Variants in PDE4B observed in about 807,000 individuals in gnomAD.
PDE4B encodes the protein 3',5'-cyclic-AMP phosphodiesterase 4B.
PDE4B carries 20 observed loss-of-function variants against 82.2 expected under a neutral mutation model. The observed-to-expected ratio is 0.24, with a 90% CI of 0.17 to 0.35. PDE4B has a LOEUF of 0.35. PDE4B is among the 10% of genes least tolerant of loss of function. PDE4B has a pLI of 1.00. For synonymous variants in PDE4B, 320 were observed against 318.9 expected (o/e 1.00, Z -0.04); for missense variants, 655 against 907.2 (o/e 0.72, Z 3.57).
chr1:66,250,239 G>A (rs12036049), intron 4 of PDE4B, among the ~76,000 whole-genome samples: 31,455 of 151,992 alleles, frequency 0.21, 6,678 homozygotes, highest in African/African-American at 0.53. Context: ...AAGCAAGAAG[G>A]GTGCTAATAG....
At chr1:65,888,888 C>A (rs1366199671) in intron 1 of PDE4B, among the ~76,000 whole-genome samples, 1 of 151,842 alleles carries the variant, frequency 6.6e-6, no homozygotes, top group Non-Finnish European at 1.5e-5. Context: ...TGAATTACAC[C>A]ATCTGCAAAG....
intron 3 of PDE4B, among the ~76,000 whole-genome samples, chr1:66,196,795 TC>T (rs1372641808): frequency 8.9e-6 from 1 of 112,826 alleles, no homozygotes; most frequent in African/African-American, 3.4e-5. Context: ...AATATCACAC[TC>T]TGGGGACTGT....
chr1:66,169,238 C>T (rs11208807), intron 3 of PDE4B, among the ~76,000 whole-genome samples: 48,883 of 151,972 alleles, frequency 0.32, 8,246 homozygotes, highest in East Asian at 0.58. Context: ...ATCTTTGAAC[C>T]TAATACTGTT....
chr1:66,368,152 A>C, intron 15 of PDE4B, 87 bp downstream of exon 15: 4 of 1,423,870 alleles, frequency 2.8e-6, no homozygotes, highest in Non-Finnish European at 3.9e-6. Flanking sequence ...AGATAAATTC[A>C]GTTATTGGTA....
intron 3 of PDE4B, among the ~76,000 whole-genome samples, chr1:66,015,566 A>G (rs1652724265): frequency 6.6e-6 from 1 of 151,920 alleles, no homozygotes; most frequent in Non-Finnish European, 1.5e-5. Context: ...CCATGAGAAC[A>G]TTTGGAAGAA....
intron 7 of PDE4B, among the ~76,000 whole-genome samples, chr1:66,305,695 T>C (rs991136199): frequency 1.5e-4 from 23 of 152,168 alleles, no homozygotes; most frequent in African/African-American, 5.3e-4. Flanking sequence ...AGATCTTATA[T>C]TGTTTTCTGA....
At chr1:66,234,590 G>A (rs1652254861) in intron 3 of PDE4B, among the ~76,000 whole-genome samples, 1 of 151,948 alleles carries the variant, frequency 6.6e-6, no homozygotes, top group Non-Finnish European at 1.5e-5. Context: ...TGCCCAGCCT[G>A]GTATAATTTT....
At chr1:65,965,542 A>G (rs1319035063) in intron 3 of PDE4B, among the ~76,000 whole-genome samples, 1 of 151,842 alleles carries the variant, frequency 6.6e-6, no homozygotes, top group Non-Finnish European at 1.5e-5. Context: ...CATAAAATGA[A>G]TGCCCTTATT....
chr1:66,322,511 C>G (rs1659473929), intron 7 of PDE4B, among the ~76,000 whole-genome samples: 1 of 152,040 alleles, frequency 6.6e-6, no homozygotes, highest in Admixed American at 6.6e-5. Context: ...AGGATATGAA[C>G]AGACATTTCT....
intron 9 of PDE4B, among the ~76,000 whole-genome samples, chr1:66,359,351 C>T (rs1662568701): frequency 1.3e-5 from 2 of 152,186 alleles, no homozygotes; most frequent in African/African-American, 4.8e-5. Flanking sequence ...TCACTGTATT[C>T]TGACTATTCC....
At chr1:66,258,068 C>T (rs1397452373) in intron 6 of PDE4B, among the ~76,000 whole-genome samples, 2 of 152,136 alleles carry the variant, frequency 1.3e-5, no homozygotes, top group Non-Finnish European at 2.9e-5. Context: ...GGGTCTTATT[C>T]GTCTTTGTAC....
chr1:66,348,376 C>G (rs1238884776), intron 8 of PDE4B, among the ~76,000 whole-genome samples: 1 of 152,132 alleles, frequency 6.6e-6, no homozygotes, highest in Non-Finnish European at 1.5e-5. Context: ...ATTATCAGAT[C>G]ATCATCTCAA....
chr1:66,218,347 T>A (rs1436489650), intron 3 of PDE4B, among the ~76,000 whole-genome samples: 1 of 152,060 alleles, frequency 6.6e-6, no homozygotes, highest in Non-Finnish European at 1.5e-5. Context: ...GAGTGGGAAA[T>A]GAAAGTGGTC....
intron 3 of PDE4B, among the ~76,000 whole-genome samples, chr1:66,070,737 C>G (rs1411182080): frequency 6.6e-6 from 1 of 151,948 alleles, no homozygotes; most frequent in Non-Finnish European, 1.5e-5. Flanking sequence ...GAGACATGCA[C>G]TTGAAGTGAT....
At position 65,875,765 on chromosome 1, in the gene PDE4B, C is replaced by T. The variant is rs573951481; in HGVS notation, c.-70-37480C>T. Among the ~76,000 whole-genome samples, 17 of 130,132 alleles carry T rather than the reference C, an allele frequency of 1.3e-4. No individual in the cohort carries two copies. The South Asian group carries it at 3.3e-3, about 26-fold the overall frequency. 85.4% of individuals were successfully genotyped at this position (130,132 alleles called of 152,430 possible). On this transcript the variant is annotated intron_variant, in intron 1 of 16. Coordinates refer to ENST00000341517, the MANE Select transcript of PDE4B (RefSeq NM_002600.4). ...GAACTGAACAATGAGATCACATGGA[C>T]ACAGGAAGGGGAACATCACACTCTG...
At chr1:66,357,707 A>AGGT in intron 9 of PDE4B, among the ~76,000 whole-genome samples, 1 of 152,150 alleles carries the variant, frequency 6.6e-6, no homozygotes, top group East Asian at 1.9e-4. Context: ...AACAGACTAG[A>AGGT]CGGGCAGATT....
chr1:66,094,366 T>C (rs1316315681), intron 3 of PDE4B: 1 of 152,090 alleles, frequency 6.6e-6, no homozygotes, highest in African/African-American at 2.4e-5. Context: ...ATCTACCATT[T>C]AGTCAAGGAG....
chr1:65,904,873 T>G (rs1254020168), intron 1 of PDE4B, among the ~76,000 whole-genome samples: 1 of 152,204 alleles, frequency 6.6e-6, no homozygotes, highest in African/African-American at 2.4e-5. Flanking sequence ...ATTTAGGGAC[T>G]ATAGAATAGT....
chr1:65,818,685 C>CACATATATATATATATATATATAT (rs141035147), intron 1 of PDE4B, among the ~76,000 whole-genome samples: 4 of 143,760 alleles, frequency 2.8e-5, no homozygotes, highest in African/African-American at 1.0e-4. Flanking sequence ...CACACACACA[C>CACATATATATATATATATATATAT]ATATATATAT....
Sources: gnomAD v4.1 joint callset for allele counts (sites outside exome capture counted in the v4.1 genomes callset) on GRCh38, gnomAD v4.1.1 for gene constraint, MANE v1.5 for transcripts, NCBI Gene and HGNC (gene_info 2026-07-23, HGNC 2026-07-21) for gene names.